The following PARP9 variants were observed in gnomAD, a reference collection of about 807,000 sequenced individuals.
PARP9 encodes the protein protein mono-ADP-ribosyltransferase PARP9.
PARP9 carries 48 observed loss-of-function variants against 68.8 expected under a neutral mutation model. The ratio of observed to expected loss-of-function variants is 0.70; its 90% CI spans 0.55 to 0.89. PARP9 has a LOEUF of 0.89. Ranked by LOEUF, PARP9 falls within the 40% of genes least tolerant of loss-of-function variation. The probability of loss-of-function intolerance (pLI) is 0.00; values close to 1 mark genes in which losing one functional copy is unlikely to be tolerated. For missense variants in PARP9, 806 were observed against 969.3 expected, an observed-to-expected ratio of 0.83 and a Z score of 2.24; for synonymous variants, 309 against 333.8, an observed-to-expected ratio of 0.93 and a Z score of 0.81.
At chr3:122,535,103 G>A (rs1417773061) in intron 10 of PARP9, 2 of 983,734 alleles carry the variant, frequency 2.0e-6, no homozygotes, top group African/African-American at 1.7e-5. Context: ...TGATCTTAAT[G>A]AAAGTAATTT....
intron 7 of PARP9, among the ~76,000 whole-genome samples, chr3:122,545,221 T>C (rs2078606291): frequency 6.6e-6 from 1 of 152,212 alleles, no homozygotes; most frequent in Non-Finnish European, 1.5e-5. Flanking sequence ...CCACTGCAAC[T>C]CAACCTTCCT....
chr3:122,540,892 T>TG lies in PARP9; in HGVS notation c.1385-41_1385-40insC, dbSNP rs754668807. On this transcript the variant is annotated intron_variant, in intron 7 of 10. Transcript: ENST00000682323. ...ATAAGCAACCATGGAAGACTAGCAG[T>TG]TTTTTGTTTTTTTTTTGAGATGGAG... 2.4e-6 allele frequency: 3 copies of TG among 1,263,672 alleles called. No individual in the cohort carries two copies. The Admixed American group carries it at 6.7e-5, about 28-fold the overall frequency. 78.3% of individuals were successfully genotyped at this position (1,263,672 alleles called of 1,614,324 possible).
chr3:122,561,834 C>T (rs1238757460), intron 1 of PARP9, among the ~76,000 whole-genome samples: 1 of 152,150 alleles, frequency 6.6e-6, no homozygotes, highest in Non-Finnish European at 1.5e-5. Flanking sequence ...CTCCTGAGCC[C>T]CATTTTTCAA....
chr3:122,546,968 C>CTATA lies in PARP9; in HGVS notation c.1327-1483_1327-1480dup, dbSNP rs57337681. 9.6e-3 allele frequency among the ~76,000 whole-genome samples: 672 copies of CTATA among 69,896 alleles called. 5 individuals are homozygous for CTATA. The highest frequency in any genetic ancestry group is 0.012 in the Non-Finnish European group (428 of 34,640). The allele number at this position is 69,896 out of a possible 152,430, so 45.9% of individuals were successfully genotyped here. A position where few individuals can be genotyped will look rare whatever the true frequency, so the allele number is the denominator to read the frequency against. On this transcript the variant is annotated intron_variant, in intron 6 of 10. Coordinates refer to ENST00000682323, the MANE Select transcript of PARP9 (RefSeq NM_001146105.2). ...TGCCTGACAGACACAATACATGGCA[C>CTATA]TATATATATATATATATATATATAT...
At chr3:122,537,825 TTCCTTCCTTCCTTCC>T (rs1204147111) in intron 8 of PARP9, among the ~76,000 whole-genome samples, 2 of 152,032 alleles carry the variant, frequency 1.3e-5, no homozygotes, top group Non-Finnish European at 2.9e-5. Context: ...ACTTCCTTCT[TTCCTTCCTTCCTTCC>T]TCCTTCCTTC....
At chr3:122,547,112 C>CT (rs35670026) in intron 6 of PARP9, among the ~76,000 whole-genome samples, 20,215 of 103,988 alleles carry the variant, frequency 0.19, 3,988 homozygotes, top group East Asian at 0.45. Context: ...ATTTTTTTTT[C>CT]TTTTTTTTTT....
chr3:122,564,406 GCC>G, upstream of PARP9: 1 of 1,596,874 alleles, frequency 6.3e-7, no homozygotes, highest in Admixed American at 1.8e-5. Flanking sequence ...GAGCCCCCGC[GCC>G]CTCCCGACGC....
In PARP9 at chr3:122,536,969, TC is replaced by T. The variant is rs2077693159; in HGVS notation, c.1869del (p.Lys624AsnfsTer11). On this transcript the variant is annotated frameshift_variant, in exon 9 of 11. Transcript: ENST00000682323. LOFTEE classifies it high-confidence loss of function. ...VPPTQELLDQ[K>X]KQFEKCGLQV... is the part of the protein sequence containing the mutation. ...TGCAAACCACATTTTTCAAACTGTT[TC>T]TTTTGATCTAGAAGCTCTTGAGTTG... 1 of 1,613,512 alleles carries T rather than the reference TC, an allele frequency of 6.2e-7. No individual in the cohort carries two copies. The highest frequency in any genetic ancestry group is 2.2e-5 in the East Asian group (1 of 44,870).
intron 7 of PARP9, 87 bp from the exon 8 acceptor site, chr3:122,540,939 G>A: frequency 7.2e-7 from 1 of 1,388,400 alleles, no homozygotes; most frequent in Non-Finnish European, 9.7e-7. Flanking sequence ...CTCACAAGCT[G>A]GAGTGCAGTG....
chr3:122,551,683 A>G (rs2079212188), intron 5 of PARP9, among the ~76,000 whole-genome samples: 1 of 152,114 alleles, frequency 6.6e-6, no homozygotes, highest in Non-Finnish European at 1.5e-5. Flanking sequence ...AAGAGACCTC[A>G]GGTAATAGAT....
intron 3 of PARP9, among the ~76,000 whole-genome samples, chr3:122,556,335 A>G (rs1447146392): frequency 6.6e-6 from 1 of 152,070 alleles, no homozygotes; most frequent in Non-Finnish European, 1.5e-5. Context: ...TAGGTCACCC[A>G]TAAAGTGCAT....
intron 1 of PARP9, among the ~76,000 whole-genome samples, chr3:122,563,082 G>C (rs1248057266): frequency 6.6e-6 from 1 of 152,132 alleles, no homozygotes; most frequent in Non-Finnish European, 1.5e-5. Flanking sequence ...CTTATCTCAG[G>C]CCTCTCTGCC....
intron 3 of PARP9, 102 bp from the exon 4 acceptor site, chr3:122,556,223 C>T (rs936583981): frequency 2.8e-5 from 22 of 783,124 alleles, no homozygotes; most frequent in Non-Finnish European, 3.8e-5. Context: ...GACTGTGTTT[C>T]CTATGTGCAA....
intron 8 of PARP9, among the ~76,000 whole-genome samples, chr3:122,539,562 T>TCTTTCTTTCTTTCTTTCTTC: frequency 7.1e-6 from 1 of 140,682 alleles, no homozygotes; most frequent in South Asian, 2.3e-4. Context: ...TTTCTTTCTT[T>TCTTTCTTTCTTTCTTTCTTC]CTTTCTTTTT....
chr3:122,534,139 A>T, intron 10 of PARP9: 1 of 868,790 alleles, frequency 1.2e-6, no homozygotes, highest in Non-Finnish European at 1.4e-6. Flanking sequence ...CAAAATCTTG[A>T]GTTGAAAGAC....
At chr3:122,562,464 A>T (rs2080322567) in intron 1 of PARP9, among the ~76,000 whole-genome samples, 1 of 151,860 alleles carries the variant, frequency 6.6e-6, no homozygotes, top group Non-Finnish European at 1.5e-5. Flanking sequence ...AAGTGCTGGG[A>T]TTACAGGCGT....
rs901812027 is a variant in PARP9, at chr3:122,527,968, T to C, written c.*396A>G. 3 of 154,310 alleles carry C rather than the reference T, an allele frequency of 1.9e-5. No individual in the cohort carries two copies. Among genetic ancestry groups the C allele is most frequent in the Non-Finnish European group, 4.3e-5 (3 of 69,586 alleles). 9.6% of individuals were successfully genotyped at this position (154,310 alleles called of 1,614,324 possible). A position where few individuals can be genotyped will look rare whatever the true frequency, so the allele number is the denominator to read the frequency against. On this transcript the variant is annotated 3_prime_UTR_variant, in exon 11 of 11. Transcript: ENST00000682323. ...TTATTTTCATACCTAAAGCACTTTA[T>C]AATATTCTCTGGAAAATCTAAAATC...
At chr3:122,534,381 G>A in intron 10 of PARP9, 1 of 985,378 alleles carries the variant, frequency 1.0e-6, no homozygotes, top group Non-Finnish European at 1.2e-6. Flanking sequence ...TTCCCAGAGT[G>A]CAAAATAAAG....
intron 9 of PARP9, 89 bp from the exon 10 acceptor site, chr3:122,536,431 T>C (rs1264419225): frequency 6.6e-7 from 1 of 1,526,040 alleles, no homozygotes; most frequent in Non-Finnish European, 8.7e-7. Context: ...TAAAGGAGCT[T>C]ATGTGCATAA....
Sources: gnomAD v4.1 joint callset for allele counts (sites outside exome capture counted in the v4.1 genomes callset) on GRCh38, gnomAD v4.1.1 for gene constraint, MANE v1.5 for transcripts, NCBI Gene and HGNC (gene_info 2026-07-23, HGNC 2026-07-21) for gene names.